The following NSMCE2 variants were observed in gnomAD, a reference collection of about 807,000 sequenced individuals.
NSMCE2 encodes the protein E3 SUMO-protein ligase NSE2.
NSMCE2 carries 24 observed loss-of-function variants against 23.8 expected under a neutral mutation model. That is an observed-to-expected ratio of 1.01 (90% CI 0.73 to 1.42). NSMCE2 has a LOEUF of 1.42. NSMCE2 is among the 40% of genes most tolerant of loss of function. The pLI is 0.00. For missense variants in NSMCE2, 284 were observed against 296.5 expected (o/e 0.96, Z 0.31); for synonymous variants, 92 against 94.1 (o/e 0.98, Z 0.13).
rs142064495 is a variant in NSMCE2, at chr8:125,151,271, A to C, written c.258A>C (p.Ile86=). Residue 86 remains isoleucine (I), a synonymous_variant, in exon 4 of 8, where the codon ATA becomes ATC. Coordinates refer to ENST00000287437, the MANE Select transcript of NSMCE2 (RefSeq NM_173685.4). The part of the protein sequence containing the change: ...NHYVKAVQST[I]NHVKEERPEK... ...ATGTAAAGGCTGTTCAATCTACAAT[A>C]AATCATGTAAGTTTATACCACTCCC... The C allele has an allele frequency of 6.5e-7, 1 of 1,549,956 alleles. No individual in the cohort carries two copies. Among genetic ancestry groups the C allele is most frequent in the African/African-American group, 1.4e-5 (1 of 73,884 alleles).
At position 125,331,103 on chromosome 8, in the gene NSMCE2, CA is replaced by C. The variant is rs1829859298; in HGVS notation, c.419-26115del. ...GATCACGAGGTCAAGAGATCGAGAC[CA>C]TCCTGGCCAACATGGTGAAACCCCG... On this transcript the variant is annotated intron_variant, in intron 5 of 7. Coordinates refer to ENST00000287437, the MANE Select transcript of NSMCE2 (RefSeq NM_173685.4). Among the ~76,000 whole-genome samples the C allele has an allele frequency of 2.0e-5, 3 of 152,194 alleles. No homozygotes were observed. The South Asian group carries it at 6.2e-4, about 32-fold the overall frequency.
chr8:125,192,267 T>C (rs1823385282), intron 5 of NSMCE2, among the ~76,000 whole-genome samples: 1 of 152,160 alleles, frequency 6.6e-6, no homozygotes, highest in Non-Finnish European at 1.5e-5. Context: ...TTGTTAGATA[T>C]ACTGGAAGTT....
intron 5 of NSMCE2, among the ~76,000 whole-genome samples, chr8:125,284,198 A>T (rs1477828898): frequency 1.3e-4 from 1 of 7,730 alleles, no homozygotes; most frequent in African/African-American, 3.2e-4. Flanking sequence ...TTTAGAGAGT[A>T]AAAAAAAAAA....
chr8:125,267,003 C>CTTTTTTTTTTTTTTTTTT (rs35990794), intron 5 of NSMCE2, among the ~76,000 whole-genome samples: 3 of 111,984 alleles, frequency 2.7e-5, no homozygotes, highest in East Asian at 2.6e-4. Flanking sequence ...TTTTTTCTTT[C>CTTTTTTTTTTTTTTTTTT]TTTTTTTTTT....
At chr8:125,138,636 G>A (rs1199475629) in intron 3 of NSMCE2, among the ~76,000 whole-genome samples, 3 of 152,072 alleles carry the variant, frequency 2.0e-5, no homozygotes, top group African/African-American at 7.2e-5. Flanking sequence ...TGTAATTATT[G>A]CTTTTTATTC....
intron 5 of NSMCE2, among the ~76,000 whole-genome samples, chr8:125,341,267 T>A (rs1322645393): frequency 6.6e-6 from 1 of 152,246 alleles, no homozygotes; most frequent in Non-Finnish European, 1.5e-5. Flanking sequence ...TAGATTATGC[T>A]AGTGACCCAA....
chr8:125,276,537 C>T (rs890544280), intron 5 of NSMCE2, among the ~76,000 whole-genome samples: 6 of 151,348 alleles, frequency 4.0e-5, no homozygotes, highest in African/African-American at 1.5e-4. Flanking sequence ...GGAATAGCCT[C>T]ATTTGAGTAT....
chr8:125,094,085 T>C lies in NSMCE2; in HGVS notation c.-111+2127T>C, dbSNP rs547312307. Among the ~76,000 whole-genome samples, 74 of 152,190 alleles carry C rather than the reference T, an allele frequency of 4.9e-4. 1 individual carries two copies. The South Asian group carries it at 0.015, about 31-fold the overall frequency. On this transcript the variant is annotated intron_variant, in intron 1 of 7. Coordinates refer to ENST00000287437, the MANE Select transcript of NSMCE2 (RefSeq NM_173685.4). ...TTTCAAAGTGCTGGGATTATAGGCA[T>C]GAGCCACCACACCCAGCCTGAACAA...
chr8:125,194,444 C>G (rs1375924523), intron 5 of NSMCE2, among the ~76,000 whole-genome samples: 2 of 152,060 alleles, frequency 1.3e-5, no homozygotes, highest in African/African-American at 4.8e-5. Context: ...CATTCTATTG[C>G]TGAGTAGTAT....
chr8:125,112,571 G>A (rs1818815278), intron 3 of NSMCE2, among the ~76,000 whole-genome samples: 1 of 151,986 alleles, frequency 6.6e-6, no homozygotes, highest in African/African-American at 2.4e-5. Context: ...AAAAAAAAAT[G>A]AAATACTGTC....
At chr8:125,315,582 G>A (rs901253398) in intron 5 of NSMCE2, among the ~76,000 whole-genome samples, 4 of 152,148 alleles carry the variant, frequency 2.6e-5, no homozygotes, top group Non-Finnish European at 4.4e-5. Flanking sequence ...CTGGGTGCAC[G>A]GTCAGCAATG....
intron 5 of NSMCE2, among the ~76,000 whole-genome samples, chr8:125,223,918 C>T (rs1375091379): frequency 6.6e-6 from 1 of 150,928 alleles, no homozygotes; most frequent in Non-Finnish European, 1.5e-5. Flanking sequence ...AATCATGCAG[C>T]CTTGATCTTC....
intron 4 of NSMCE2, among the ~76,000 whole-genome samples, chr8:125,161,994 A>G (rs1821653453): frequency 6.6e-6 from 1 of 152,106 alleles, no homozygotes. Flanking sequence ...CCACGAAGCA[A>G]GTCCTCTCTA....
chr8:125,300,823 A>C (rs1159498265), intron 5 of NSMCE2, among the ~76,000 whole-genome samples: 5 of 152,282 alleles, frequency 3.3e-5, no homozygotes, highest in East Asian at 3.9e-4. Context: ...TTCTGGGGAC[A>C]GGAGTACTGA....
At chr8:125,138,952 G>C (rs1820213477) in intron 3 of NSMCE2, among the ~76,000 whole-genome samples, 2 of 152,188 alleles carry the variant, frequency 1.3e-5, no homozygotes, top group Non-Finnish European at 2.9e-5. Flanking sequence ...ATATGAAGCA[G>C]AAAGTAAAAT....
At chr8:125,169,276 G>A (rs982682287) in intron 4 of NSMCE2, among the ~76,000 whole-genome samples, 1 of 152,118 alleles carries the variant, frequency 6.6e-6, no homozygotes, top group Non-Finnish European at 1.5e-5. Flanking sequence ...CTGAGAAATA[G>A]CATCTATGCT....
chr8:125,340,095 A>G (rs1483057684), intron 5 of NSMCE2, among the ~76,000 whole-genome samples: 3 of 144,762 alleles, frequency 2.1e-5, no homozygotes. Context: ...GCTCACTGCA[A>G]GCTCCGCCTC....
chr8:125,349,629 A>C (rs920682841), intron 5 of NSMCE2, among the ~76,000 whole-genome samples: 2 of 152,108 alleles, frequency 1.3e-5, no homozygotes, highest in Admixed American at 6.5e-5. Context: ...GTTCCAGCCT[A>C]ATTGAAAAAG....
At chr8:125,281,650 A>G (rs919875738) in intron 5 of NSMCE2, among the ~76,000 whole-genome samples, 7 of 152,038 alleles carry the variant, frequency 4.6e-5, no homozygotes, top group Non-Finnish European at 7.4e-5. Flanking sequence ...ATGTTGGCCA[A>G]GCTGGTCTCG....
Sources: allele counts gnomAD v4.1 joint callset (sites outside exome capture counted in the v4.1 genomes callset), GRCh38; gene constraint gnomAD v4.1.1; transcripts MANE v1.5; gene names NCBI Gene and HGNC (gene_info 2026-07-23, HGNC 2026-07-21).